Variants in ODAD2 observed in about 807,000 individuals in gnomAD.
ODAD2 encodes outer dynein arm-docking complex subunit 2.
ODAD2 carries 89 observed loss-of-function variants against 106.8 expected under a neutral mutation model. That is an observed-to-expected ratio of 0.83 (90% CI 0.70 to 0.99). The LOEUF (loss-of-function observed/expected upper bound fraction) is 0.99. Among genes scored for constraint, ODAD2 ranks in the 50% least tolerant of loss-of-function variants. ODAD2 has a pLI of 0.00. For synonymous variants in ODAD2, 404 were observed against 436.2 expected, an observed-to-expected ratio of 0.93 and a Z score of 0.92; for missense variants, 1,168 against 1,238.5, an observed-to-expected ratio of 0.94 and a Z score of 0.85.
rs569567540 is a variant in ODAD2 at position 27,815,109 on chromosome 10, C to T, written c.3022-2484G>A. Among the ~76,000 whole-genome samples the T allele has an allele frequency of 4.6e-5, 7 of 152,296 alleles. No individual in the cohort carries two copies. In the South Asian group the frequency reaches 1.0e-3, roughly 23 times the overall value. ...TAGACAGCAACAACTCTACCTAAAA[C>T]GGCAACCATGCCAGCGTCTTAGCAG... On this transcript the variant is annotated intron_variant, in intron 19 of 19. Transcript: ENST00000305242.
chr10:27,827,924 G>C (rs147001136), intron 19 of ODAD2, among the ~76,000 whole-genome samples: 7 of 152,164 alleles, frequency 4.6e-5, no homozygotes, highest in African/African-American at 1.7e-4. Flanking sequence ...TATATTACTT[G>C]TGCTACTTTA....
chr10:27,952,672 G>A (rs1347118806), intron 10 of ODAD2, among the ~76,000 whole-genome samples: 4 of 152,058 alleles, frequency 2.6e-5, no homozygotes, highest in Non-Finnish European at 4.4e-5. Context: ...CCTAGACTCC[G>A]GCCTGAACCA....
chr10:27,818,096 T>G (rs1159892087), intron 19 of ODAD2, among the ~76,000 whole-genome samples: 1 of 151,436 alleles, frequency 6.6e-6, no homozygotes, highest in Non-Finnish European at 1.5e-5. Flanking sequence ...TACCAAATAA[T>G]TGAATGTGAG....
intron 7 of ODAD2, among the ~76,000 whole-genome samples, chr10:27,977,016 T>C (rs985899312): frequency 6.6e-6 from 1 of 152,112 alleles, no homozygotes; most frequent in Non-Finnish European, 1.5e-5. Context: ...TGACAAATGA[T>C]GCTGGAACAA....
At chr10:27,910,595 A>G (rs1490212948) in intron 16 of ODAD2, among the ~76,000 whole-genome samples, 1 of 152,026 alleles carries the variant, frequency 6.6e-6, no homozygotes, top group African/African-American at 2.4e-5. Context: ...TCTACAAAAA[A>G]TACAAAAAAA....
At chr10:27,863,908 G>C (rs1245734804) in intron 17 of ODAD2, among the ~76,000 whole-genome samples, 8 of 152,080 alleles carry the variant, frequency 5.3e-5, no homozygotes, top group African/African-American at 1.9e-4. Context: ...AGATCTTGAA[G>C]GGTCTCACCT....
chr10:27,950,231 G>A (rs1847234783), intron 10 of ODAD2, among the ~76,000 whole-genome samples: 1 of 152,132 alleles, frequency 6.6e-6, no homozygotes, highest in African/African-American at 2.4e-5. Flanking sequence ...GATCACAGAG[G>A]ACCTGGTGCC....
intron 17 of ODAD2, among the ~76,000 whole-genome samples, chr10:27,884,947 G>A (rs578241224): frequency 6.6e-5 from 10 of 152,214 alleles, no homozygotes; most frequent in East Asian, 3.9e-4. Context: ...AAGGTCTTCC[G>A]AGCTGGTCTG....
chr10:27,827,412 T>TATATATATATTG (rs1837152527), intron 19 of ODAD2, among the ~76,000 whole-genome samples: 1 of 139,274 alleles, frequency 7.2e-6, no homozygotes, highest in Non-Finnish European at 1.5e-5. Context: ...TATATATATA[T>TATATATATATTG]TCCATGTTTC....
At chr10:27,960,542 G>A (rs1210071507) in intron 10 of ODAD2, among the ~76,000 whole-genome samples, 4 of 151,700 alleles carry the variant, frequency 2.6e-5, no homozygotes, top group African/African-American at 9.7e-5. Flanking sequence ...TAGAGACAGG[G>A]TTTCACCATG....
chr10:27,866,238 A>T (rs1336019879), intron 17 of ODAD2, among the ~76,000 whole-genome samples: 2 of 152,174 alleles, frequency 1.3e-5, no homozygotes, highest in East Asian at 3.9e-4. Flanking sequence ...TAGTATTTGC[A>T]TGTCATAGAT....
At chr10:27,816,254 T>A (rs552572748) in intron 19 of ODAD2, among the ~76,000 whole-genome samples, 2 of 152,346 alleles carry the variant, frequency 1.3e-5, no homozygotes, top group Admixed American at 1.3e-4. Context: ...TTGCCTAAAT[T>A]GTGAAATTCA....
intron 16 of ODAD2, among the ~76,000 whole-genome samples, chr10:27,917,048 C>G (rs1844436473): frequency 6.6e-6 from 1 of 152,144 alleles, no homozygotes; most frequent in Admixed American, 6.5e-5. Flanking sequence ...ACTTAATCAA[C>G]ATTTTAAAAG....
intron 17 of ODAD2, among the ~76,000 whole-genome samples, chr10:27,892,214 A>G (rs1842611330): frequency 1.3e-5 from 2 of 152,316 alleles, no homozygotes; most frequent in African/African-American, 2.4e-5. Flanking sequence ...CTTTTTAGCA[A>G]TCTTAATAGG....
At chr10:27,965,636 A>C (rs111329616) in intron 9 of ODAD2, among the ~76,000 whole-genome samples, 3 of 152,162 alleles carry the variant, frequency 2.0e-5, no homozygotes, top group African/African-American at 7.2e-5. Flanking sequence ...TAGTGTATTC[A>C]TTCTGGCTTC....
At chr10:27,877,410 ACAGGGTCC>A (rs1402644459) in intron 17 of ODAD2, among the ~76,000 whole-genome samples, 1 of 152,174 alleles carries the variant, frequency 6.6e-6, no homozygotes, top group Non-Finnish European at 1.5e-5. Flanking sequence ...GCACAGTTCA[ACAGGGTCC>A]CATAAGCTTC....
intron 2 of ODAD2, among the ~76,000 whole-genome samples, chr10:27,993,013 T>G (rs549741646): frequency 6.6e-6 from 1 of 152,276 alleles, no homozygotes; most frequent in East Asian, 1.9e-4. Context: ...CCTCCCAGAT[T>G]CAAGCAATTC....
At chr10:27,821,808 T>C (rs777355839) in intron 19 of ODAD2, among the ~76,000 whole-genome samples, 1 of 152,224 alleles carries the variant, frequency 6.6e-6, no homozygotes, top group Admixed American at 6.5e-5. Flanking sequence ...TATAAAGACA[T>C]GTTTTAATAT....
intron 17 of ODAD2, among the ~76,000 whole-genome samples, chr10:27,905,315 T>C (rs1843510727): frequency 6.6e-6 from 1 of 152,124 alleles, no homozygotes; most frequent in African/African-American, 2.4e-5. Flanking sequence ...ACAAGGGATG[T>C]GAAGGACCTC....
Sources: gnomAD v4.1 joint callset for allele counts (sites outside exome capture counted in the v4.1 genomes callset) on GRCh38, gnomAD v4.1.1 for gene constraint, MANE v1.5 for transcripts, NCBI Gene and HGNC (gene_info 2026-07-23, HGNC 2026-07-21) for gene names.